The following MYT1 variants were observed in gnomAD, a reference collection of about 807,000 sequenced individuals.
MYT1 encodes the protein myelin transcription factor 1, also known as myelin transcription factor I.
A neutral mutation model predicts 123.0 loss-of-function variants in MYT1; 23 were observed. The observed-to-expected ratio is 0.19, with a 90% CI of 0.13 to 0.26. The LOEUF (loss-of-function observed/expected upper bound fraction) is 0.26. MYT1 is among the 10% of genes least tolerant of loss of function. MYT1 has a pLI of 1.00. For synonymous variants in MYT1, 518 were observed against 575.3 expected (o/e 0.90, Z 1.43); for missense variants, 1,125 against 1,472.5 (o/e 0.76, Z 3.86).
chr20:64,238,074 TA>T (rs1187366146), intron 21 of MYT1, among the ~76,000 whole-genome samples: 2 of 152,016 alleles, frequency 1.3e-5, no homozygotes, highest in African/African-American at 4.8e-5. Context: ...GTTTGTGTCA[TA>T]TTTCCTGATT....
At position 64,217,125 on chromosome 20, in the gene MYT1, G is replaced by A. The variant is rs753287703; in HGVS notation, c.1690G>A (p.Val564Met). Residue 564 changes from valine to methionine, a missense_variant, in exon 11 of 23, where the codon GTG (valine) becomes ATG (methionine). This residue lies in a region of MYT1 where 429 missense variants were observed against 604.1 expected (regional missense o/e 0.71). Transcript: ENST00000328439. Reference protein sequence around the residue: ...VPPYGSYRPNVAPATPRANLA... With the variant: ...VPPYGSYRPNMAPATPRANLA... The stretch of plus-strand genomic sequence containing the variant: ...TCCATATGGGAGCTACCGGCCCAAC[G>A]TGGCCCCCGCCACACCCAGGGCCAA... The A allele has an allele frequency of 6.8e-6, 11 of 1,613,938 alleles. No homozygotes were observed. The Admixed American group carries it at 1.3e-4, about 20-fold the overall frequency.
chr20:64,188,932 A>T (rs1004135171), intron 1 of MYT1, among the ~76,000 whole-genome samples: 1 of 152,198 alleles, frequency 6.6e-6, no homozygotes, highest in Non-Finnish European at 1.5e-5. Context: ...GAGTGGTTTT[A>T]TTCGTTCCTC....
At chr20:64,225,663 G>A (rs1389392959) in intron 16 of MYT1, among the ~76,000 whole-genome samples, 1 of 152,200 alleles carries the variant, frequency 6.6e-6, no homozygotes, top group Non-Finnish European at 1.5e-5. Flanking sequence ...CCCAGATGGG[G>A]CACTCAGAAG....
intron 1 of MYT1, among the ~76,000 whole-genome samples, chr20:64,183,644 G>A (rs939924414): frequency 5.3e-5 from 8 of 152,224 alleles, no homozygotes; most frequent in South Asian, 4.1e-4. Context: ...GGCCATTCCC[G>A]TGTTATCTTT....
At chr20:64,226,898 C>T (rs776635490) in intron 16 of MYT1, among the ~76,000 whole-genome samples, 5 of 152,260 alleles carry the variant, frequency 3.3e-5, no homozygotes, top group Non-Finnish European at 5.9e-5. Context: ...AAAAAGGCCT[C>T]TGTTCATTTA....
At chr20:64,184,241 G>C (rs117057708) in intron 1 of MYT1, among the ~76,000 whole-genome samples, 1 of 151,984 alleles carries the variant, frequency 6.6e-6, no homozygotes, top group African/African-American at 2.4e-5. Flanking sequence ...ACCCAGAGTC[G>C]GAAAGATTTA....
intron 1 of MYT1, among the ~76,000 whole-genome samples, chr20:64,182,424 A>G (rs1003626745): frequency 2.6e-5 from 4 of 152,202 alleles, no homozygotes; most frequent in African/African-American, 9.6e-5. Context: ...AGCTGCATGG[A>G]TAGCTGTGGA....
intron 19 of MYT1, among the ~76,000 whole-genome samples, chr20:64,233,080 C>G (rs1399989713): frequency 6.7e-6 from 1 of 148,888 alleles, no homozygotes. Flanking sequence ...ACTCTTCATT[C>G]CCTCCCCTGT....
chr20:64,172,770 T>C (rs139148954), intron 1 of MYT1, among the ~76,000 whole-genome samples: 10,275 of 116,282 alleles, frequency 0.088, 586 homozygotes, highest in South Asian at 0.2. Context: ...TTTTTGAAGA[T>C]GGAGTCTCAC....
At position 64,207,604 on chromosome 20, in the gene MYT1, C is replaced by A. The variant is rs143930337; in HGVS notation, c.408C>A (p.Pro136=). The change falls in exon 7 of 23, where the codon CCC becomes CCA. Residue 136 remains proline, a synonymous_variant. Coordinates refer to ENST00000328439, the MANE Select transcript of MYT1 (RefSeq NM_004535.3). ...TTTGATTTTGTGCAGGAAGGAGCCCCGTCAAGTCCCATTTTGGATCCAACC... is the reference window on the plus strand; with the variant it reads ...TTTGATTTTGTGCAGGAAGGAGCCCAGTCAAGTCCCATTTTGGATCCAACC... ...HRPETAEGRS[P]VKSHFGSNPI... 1 of 1,612,702 alleles carries A rather than the reference C, an allele frequency of 6.2e-7. No individual in the cohort carries two copies. The highest frequency in any genetic ancestry group is 8.5e-7 in the Non-Finnish European group (1 of 1,179,348).
Position 64,208,149 on chromosome 20 carries a change from C to G in MYT1, c.953C>G (p.Ser318Cys). The G allele has an allele frequency of 6.2e-7, 1 of 1,613,324 alleles. No individual in the cohort carries two copies. Residue 318 changes from serine to cysteine, a missense_variant, in exon 7 of 23, where the codon TCT becomes TGT. Around this residue, in one of 4 missense-constraint regions of MYT1, gnomAD observed 406 missense variants for 432.2 expected, o/e 0.94. Transcript: ENST00000328439. This position sits in a 1 kb window ranked among gnomAD's most constrained non-coding sequence, Gnocchi z 5.4. ...APDVIFQEDT[S>C]HTSAQKAPEL... is the part of the protein sequence containing the mutation. ...GATGTGATCTTTCAGGAAGACACCT[C>G]TCACACCTCTGCCCAGAAGGCCCCT...
intron 7 of MYT1, 147 bp from the exon 8 acceptor site, chr20:64,211,059 C>A (rs1379357530): frequency 5.8e-6 from 5 of 868,502 alleles, no homozygotes; most frequent in Non-Finnish European, 8.5e-6. Flanking sequence ...TCCTGACTGT[C>A]CAGCCCCAGT....
intron 1 of MYT1, among the ~76,000 whole-genome samples, chr20:64,182,659 C>T (rs1227455698): frequency 6.6e-6 from 1 of 152,180 alleles, no homozygotes; most frequent in East Asian, 1.9e-4. Context: ...CCTGTTGTAT[C>T]CCTGGACCCA....
rs753391946 is a variant in MYT1 at position 64,167,715 on chromosome 20, G to A, written c.-99+2976G>A. 1.8e-4 allele frequency among the ~76,000 whole-genome samples: 27 copies of A among 152,160 alleles called. No individual in the cohort carries two copies. The highest frequency in any genetic ancestry group is 2.6e-4 in the Non-Finnish European group (18 of 68,024). The stretch of plus-strand genomic sequence containing the variant: ...GCAGGGTGCCCGCAGGGGCTGGGGG[G>A]GCTCTTCTCTTTCTTCCTCTCTCCC... On this transcript the variant is annotated intron_variant, in intron 1 of 22. Transcript: ENST00000328439. This position sits in a 1 kb window ranked among gnomAD's most constrained non-coding sequence, Gnocchi z 6.3.
chr20:64,216,586 C>T (rs756017894), intron 10 of MYT1, among the ~76,000 whole-genome samples: 1 of 152,242 alleles, frequency 6.6e-6, no homozygotes, highest in East Asian at 1.9e-4. Context: ...CAGAAATGCA[C>T]CTGATACAAC....
At chr20:64,230,127 C>T (rs2145730654) in intron 18 of MYT1, among the ~76,000 whole-genome samples, 2 of 152,326 alleles carry the variant, frequency 1.3e-5, no homozygotes, top group African/African-American at 4.8e-5. Context: ...TACCTGAAAT[C>T]TGAAATCCTC....
chr20:64,216,556 C>G (rs887082671), intron 10 of MYT1, among the ~76,000 whole-genome samples: 1 of 152,360 alleles, frequency 6.6e-6, no homozygotes, highest in South Asian at 2.1e-4. Flanking sequence ...AGGGTCAGGC[C>G]TGGCCCTGAG....
rs955603978 is a variant in MYT1 at position 64,192,621 on chromosome 20, C to G, written c.-1+2461C>G. Among the ~76,000 whole-genome samples, 1 of 152,220 alleles carries G rather than the reference C, an allele frequency of 6.6e-6. No homozygotes were observed. The highest frequency in any genetic ancestry group is 2.4e-5 in the African/African-American group (1 of 41,448). On this transcript the variant is annotated intron_variant, in intron 2 of 22. Coordinates refer to ENST00000328439, the MANE Select transcript of MYT1 (RefSeq NM_004535.3). The surrounding 1 kb of genome is among the most constrained non-coding windows in gnomAD (Gnocchi z 5.3). ...CTCAGGACCGGTTGGAAGGGGCTGC[C>G]AGAAGTCAGGTGGTCGTGTGTCGGG...
In MYT1 at chr20:64,185,260, A is replaced by G. The variant is rs895509953; in HGVS notation, c.-98-4803A>G. ...GACAGTGGGAAGGAGGTGGGTATAA[A>G]GTCCAGATGGACAAGCTGGCTCAGC... is the stretch of plus-strand genomic sequence containing the variant. On this transcript the variant is annotated intron_variant, in intron 1 of 22. Coordinates refer to ENST00000328439, the MANE Select transcript of MYT1 (RefSeq NM_004535.3). The surrounding 1 kb of genome is among the most constrained non-coding windows in gnomAD (Gnocchi z 4.5). 6.6e-6 allele frequency among the ~76,000 whole-genome samples: 1 copy of G among 152,212 alleles called. No homozygotes were observed. Among genetic ancestry groups the G allele is most frequent in the African/African-American group, 2.4e-5 (1 of 41,458 alleles).
Sources: gnomAD v4.1 joint callset for allele counts (sites outside exome capture counted in the v4.1 genomes callset) on GRCh38, gnomAD v4.1.1 for gene constraint, gnomAD v4.1.1 regional missense constraint, Gnocchi (gnomAD v3.1) non-coding constraint, MANE v1.5 for transcripts, NCBI Gene and HGNC (gene_info 2026-07-23, HGNC 2026-07-21) for gene names.